The following CLCA1 variants were observed in gnomAD, a reference collection of about 807,000 sequenced individuals.
The protein encoded by CLCA1 is chloride channel accessory 1, also known as calcium-activated chloride channel regulator 1.
In CLCA1, 59 loss-of-function variants were observed where a neutral mutation model predicts 85.6. The ratio of observed to expected loss-of-function variants is 0.69; its 90% CI spans 0.56 to 0.86. CLCA1 has a LOEUF of 0.86. Among genes scored for constraint, CLCA1 ranks in the 40% least tolerant of loss-of-function variants. The pLI is 0.00. For missense variants in CLCA1, 1,022 were observed against 1,101.4 expected (o/e 0.93, Z 1.02); for synonymous variants, 396 against 398.3 (o/e 0.99, Z 0.07).
intron 4 of CLCA1, among the ~76,000 whole-genome samples, chr1:86,481,832 A>C (rs1413619141): frequency 2.0e-5 from 3 of 152,242 alleles, no homozygotes; most frequent in African/African-American, 4.8e-5. Flanking sequence ...GAAAACAAAC[A>C]AACAAGAAAT....
At chr1:86,496,459 A>T (rs879701410) in intron 12 of CLCA1, among the ~76,000 whole-genome samples, 1 of 152,210 alleles carries the variant, frequency 6.6e-6, no homozygotes, top group African/African-American at 2.4e-5. Flanking sequence ...AGACAGTCCC[A>T]TACCACTTTT....
At chr1:86,474,568 G>C (rs1432286184) in intron 3 of CLCA1, among the ~76,000 whole-genome samples, 2 of 91,388 alleles carry the variant, frequency 2.2e-5, no homozygotes, top group East Asian at 9.5e-4. Context: ...AAAAAAAAAG[G>C]GGGGGGATTC....
At chr1:86,476,243 G>A (rs1647632327) in intron 3 of CLCA1, among the ~76,000 whole-genome samples, 1 of 152,126 alleles carries the variant, frequency 6.6e-6, no homozygotes, top group Non-Finnish European at 1.5e-5. Flanking sequence ...CACTTACTAG[G>A]TGCCTGATTA....
intron 4 of CLCA1, 126 bp from the exon 5 acceptor site, chr1:86,482,079 G>A (rs1647836839): frequency 4.5e-6 from 3 of 670,748 alleles, no homozygotes; most frequent in Non-Finnish European, 7.6e-6. Flanking sequence ...GCTATGATGG[G>A]ATGTCCTTGT....
chr1:86,476,422 C>CAGTTT, intron 3 of CLCA1, 26 bp from the exon 4 acceptor site: 2 of 1,160,968 alleles, frequency 1.7e-6, no homozygotes, highest in Non-Finnish European at 2.6e-6. Context: ...TTATTGTAAT[C>CAGTTT]AGTTTTTTAA....
chr1:86,498,875 G>A (rs1558148974), intron 13 of CLCA1, 64 bp downstream of exon 13: 1 of 1,554,046 alleles, frequency 6.4e-7, no homozygotes, highest in East Asian at 2.3e-5. Context: ...AGCAGAAGCG[G>A]GTGAGGCAGG....
intron 4 of CLCA1, among the ~76,000 whole-genome samples, chr1:86,480,319 G>A (rs1647783355): frequency 6.6e-6 from 1 of 152,120 alleles, no homozygotes; most frequent in South Asian, 2.1e-4. Context: ...CACATAAAGA[G>A]CTTTTGAAAA....
At position 86,489,736 on chromosome 1, in the gene CLCA1, A is replaced by C. The variant is rs967862935; in HGVS notation, c.1357+566A>C. Among the ~76,000 whole-genome samples, 5 of 152,362 alleles carry C rather than the reference A, an allele frequency of 3.3e-5. No individual in the cohort carries two copies. In the South Asian group the frequency reaches 6.2e-4, roughly 19 times the overall value. ...AACTCCCATACACAGACAGATGGTT[A>C]AAATAGATTCCATGTGTCACCAGCT... On this transcript the variant is annotated intron_variant, in intron 8 of 13. Transcript: ENST00000394711.
chr1:86,482,167 C>T (rs376598852), intron 4 of CLCA1, 38 bp from the exon 5 acceptor site: 113 of 1,504,938 alleles, frequency 7.5e-5, no homozygotes, highest in East Asian at 5.4e-4. Flanking sequence ...TTTGAAATGA[C>T]GACATCACCT....
At chr1:86,480,014 G>A (rs984632007) in intron 4 of CLCA1, among the ~76,000 whole-genome samples, 1 of 152,164 alleles carries the variant, frequency 6.6e-6, no homozygotes, top group Non-Finnish European at 1.5e-5. Flanking sequence ...TTTTTTAACT[G>A]TGTGGGGAAA....
chr1:86,481,129 T>A (rs1014292935), intron 4 of CLCA1, among the ~76,000 whole-genome samples: 2 of 152,162 alleles, frequency 1.3e-5, no homozygotes, highest in Non-Finnish European at 2.9e-5. Context: ...TAAGATCACA[T>A]TTTGAATTTT....
chr1:86,499,760 C>A lies in CLCA1; in HGVS notation c.2460C>A (p.Asn820Lys), dbSNP rs370070028. The change falls in exon 14 of 14, where the codon AAC becomes AAA. Residue 820 changes from asparagine to lysine, a missense_variant. Asn to Lys is a moderately conservative substitution (Grantham distance 94). Coordinates refer to ENST00000394711, the MANE Select transcript of CLCA1 (RefSeq NM_001285.4). ...NTTALIPKEA[N>K]SEEVFLFKPE... is the part of the protein sequence containing the mutation. ...CTGCTCTCATCCCAAAGGAAGCCAA[C>A]TCTGAGGAAGTCTTTTTGTTTAAAC... 1.3e-5 allele frequency: 21 copies of A among 1,613,642 alleles called. No individual in the cohort carries two copies. In the South Asian group the frequency reaches 2.2e-4, roughly 17 times the overall value.
intron 13 of CLCA1, 77 bp downstream of exon 13, chr1:86,498,888 G>T: frequency 1.3e-6 from 2 of 1,509,996 alleles, no homozygotes; most frequent in Non-Finnish European, 8.9e-7. Flanking sequence ...GAGGCAGGCA[G>T]CCGTGTTCTG....
chr1:86,471,377 G>A lies in CLCA1; in HGVS notation c.163-2040G>A, dbSNP rs5744311. Among the ~76,000 whole-genome samples, 738 of 152,206 alleles carry A rather than the reference G, an allele frequency of 4.8e-3. 4 individuals carry two copies. Among genetic ancestry groups the A allele is most frequent in the African/African-American group, 0.017 (688 of 41,516 alleles). ...TGTCCCTGTCCTGAAGGAATTTCTA[G>A]CCCATTCTATAAACTGTCACCCCCA... On this transcript the variant is annotated intron_variant, in intron 1 of 13. Transcript: ENST00000394711.
Position 86,469,049 on chromosome 1 carries a change from G to T in CLCA1, c.78G>T (p.Gln26His), listed in dbSNP as rs1444577843. 1 of 1,612,942 alleles carries T rather than the reference G, an allele frequency of 6.2e-7. No individual in the cohort carries two copies. Among genetic ancestry groups the T allele is most frequent in the Admixed American group, 1.7e-5 (1 of 59,874 alleles). The change falls in exon 1 of 14, where the codon CAG (glutamine) becomes CAT (histidine). Residue 26 changes from glutamine (Q) to histidine (H), a missense_variant. Coordinates refer to ENST00000394711, the MANE Select transcript of CLCA1 (RefSeq NM_001285.4). The part of the protein sequence containing the change: ...LEGALSNSLI[Q>H]LNNNGYEGIV... Reference sequence around the variant, plus strand: ...GGGCCCTGAGTAATTCACTCATTCAGCTGAACAACAATGGCTATGAAGGCA... The same window carrying T: ...GGGCCCTGAGTAATTCACTCATTCATCTGAACAACAATGGCTATGAAGGCA...
intron 8 of CLCA1, among the ~76,000 whole-genome samples, chr1:86,490,381 A>T (rs1246436761): frequency 6.6e-6 from 1 of 152,218 alleles, no homozygotes; most frequent in Non-Finnish European, 1.5e-5. Flanking sequence ...GTGCTTTCAC[A>T]TCAACTAACT....
chr1:86,470,609 C>T (rs995312071), intron 1 of CLCA1, among the ~76,000 whole-genome samples: 1 of 152,190 alleles, frequency 6.6e-6, no homozygotes, highest in South Asian at 2.1e-4. Flanking sequence ...ACGTACTTCT[C>T]GCTACAATTA....
chr1:86,485,722 G>A (rs953795793), intron 6 of CLCA1, among the ~76,000 whole-genome samples, 161 bp downstream of exon 6: 1 of 152,054 alleles, frequency 6.6e-6, no homozygotes, highest in Non-Finnish European at 1.5e-5. Context: ...GTTCAACAAA[G>A]GTTCAGCATC....
chr1:86,498,511 G>C, intron 12 of CLCA1, 61 bp from the exon 13 acceptor site: 2 of 1,553,180 alleles, frequency 1.3e-6, no homozygotes, highest in Admixed American at 1.7e-5. Context: ...TAAGAAAACA[G>C]ACGGAGGTGT....
Sources: gnomAD v4.1 joint callset for allele counts (sites outside exome capture counted in the v4.1 genomes callset) on GRCh38, gnomAD v4.1.1 for gene constraint, MANE v1.5 for transcripts, NCBI Gene and HGNC (gene_info 2026-07-23, HGNC 2026-07-21) for gene names.